The following TBL1X variants were observed in gnomAD, a reference collection of about 807,000 sequenced individuals.
The protein encoded by TBL1X is transducin beta like 1 X-linked.
TBL1X carries 10 observed loss-of-function variants against 50.7 expected under a neutral mutation model. The ratio of observed to expected loss-of-function variants is 0.20; its 90% CI spans 0.12 to 0.33. TBL1X has a LOEUF of 0.33. TBL1X is among the 10% of genes least tolerant of loss of function. The pLI is 1.00. For synonymous variants in TBL1X, 190 were observed against 214.7 expected (o/e 0.88, Z 1.01); for missense variants, 340 against 504.4 (o/e 0.67, Z 3.12).
At chrX:9,518,004 C>T (rs1361414834) in intron 2 of TBL1X, among the ~76,000 whole-genome samples, 3 of 106,122 alleles carry the variant, frequency 2.8e-5, no homozygotes, top group Non-Finnish European at 5.8e-5. Context: ...CCCAGCTATG[C>T]GGGAGGATTG....
At chrX:9,502,589 T>A (rs2082006861) in intron 2 of TBL1X, among the ~76,000 whole-genome samples, 1 of 112,477 alleles carries the variant, frequency 8.9e-6, no homozygotes, top group Non-Finnish European at 1.9e-5. Context: ...GGGTTCACAT[T>A]CATTTCTGTC....
At chrX:9,472,506 G>C (rs947228325) in intron 1 of TBL1X, among the ~76,000 whole-genome samples, 3 of 105,349 alleles carry the variant, frequency 2.8e-5, no homozygotes, top group Non-Finnish European at 5.8e-5. Context: ...TGCCTAGGCT[G>C]GTCTTGAGCA....
chrX:9,468,434 G>GC (rs1389499592), intron 1 of TBL1X, among the ~76,000 whole-genome samples: 1 of 111,965 alleles, frequency 8.9e-6, no homozygotes, highest in Non-Finnish European at 1.9e-5. Flanking sequence ...GGTTGAGCCA[G>GC]CTGGGTGTGG....
intron 2 of TBL1X, among the ~76,000 whole-genome samples, chrX:9,544,953 G>C (rs2082234270): frequency 9.1e-6 from 1 of 109,506 alleles, no homozygotes; most frequent in Non-Finnish European, 1.9e-5. Context: ...GTGAGGCAGT[G>C]GAATAACTTA....
At chrX:9,714,837 A>G (rs1269301085) in intron 16 of TBL1X, 65 bp from the exon 17 acceptor site, 7 of 1,068,214 alleles carry the variant, frequency 6.6e-6, no homozygotes, top group Middle Eastern at 2.5e-4. Context: ...AGGAGCGCAC[A>G]TTCCACACCT....
intron 2 of TBL1X, among the ~76,000 whole-genome samples, chrX:9,520,875 C>T (rs1282080104): frequency 1.8e-5 from 2 of 111,096 alleles, no homozygotes; most frequent in Non-Finnish European, 3.8e-5. Flanking sequence ...GAGGATTGCT[C>T]GAGCCCAGGA....
At chrX:9,511,807 G>A (rs2082056934) in intron 2 of TBL1X, among the ~76,000 whole-genome samples, 1 of 112,266 alleles carries the variant, frequency 8.9e-6, no homozygotes, top group Non-Finnish European at 1.9e-5. Flanking sequence ...CTTTTGAGAT[G>A]AAATAGTCAT....
Position 9,717,302 on chromosome X carries a change from C to T in TBL1X, c.*1056C>T, listed in dbSNP as rs1286545147. On this transcript the variant is annotated 3_prime_UTR_variant, in exon 18 of 18. Transcript: ENST00000645353. ...AACAATTTTAAAATCTTAAAATGGC[C>T]ATCAGACATAGAGAGCTTTGTGTGA... is the stretch of plus-strand genomic sequence containing the variant. 8.9e-6 allele frequency: 1 copy of T among 111,791 alleles called. No individual in the cohort carries two copies. The allele number at this position is 111,791 out of a possible 1,213,427, so 9.2% of individuals were successfully genotyped here.
At chrX:9,676,195 G>A (rs1157063079) in intron 5 of TBL1X, among the ~76,000 whole-genome samples, 2 of 112,388 alleles carry the variant, frequency 1.8e-5, no homozygotes, top group African/African-American at 3.2e-5. Flanking sequence ...CTGTAGGGCT[G>A]GAGGACATGA....
At chrX:9,682,890 T>C (rs1310223490) in intron 5 of TBL1X, among the ~76,000 whole-genome samples, 2 of 111,837 alleles carry the variant, frequency 1.8e-5, no homozygotes, top group East Asian at 5.6e-4. Flanking sequence ...TTGTAAACAG[T>C]GTGAGAGTTG....
chrX:9,565,970 A>G (rs1382966459), intron 2 of TBL1X, among the ~76,000 whole-genome samples: 1 of 112,644 alleles, frequency 8.9e-6, no homozygotes, highest in Non-Finnish European at 1.9e-5. Context: ...AAAGGCATGT[A>G]ATTAATAAAA....
chrX:9,648,366 C>T (rs781709265), intron 3 of TBL1X, among the ~76,000 whole-genome samples: 3 of 112,429 alleles, frequency 2.7e-5, no homozygotes, highest in Non-Finnish European at 3.8e-5. Flanking sequence ...AAGACAAAGG[C>T]GGACTTTTTC....
intron 2 of TBL1X, among the ~76,000 whole-genome samples, chrX:9,516,939 A>G (rs747552000): frequency 8.9e-6 from 1 of 112,005 alleles, no homozygotes; most frequent in Admixed American, 9.5e-5. Flanking sequence ...TAAAAAAAAA[A>G]TCAGGGTTTT....
At chrX:9,570,678 G>GTT (rs5901405) in intron 2 of TBL1X, among the ~76,000 whole-genome samples, 2 of 46,307 alleles carry the variant, frequency 4.3e-5, no homozygotes, top group Non-Finnish European at 7.6e-5. Context: ...TTTTCTTTTT[G>GTT]TTTTTTTTTT....
At chrX:9,679,959 C>T (rs73188234) in intron 5 of TBL1X, among the ~76,000 whole-genome samples, 87 of 111,964 alleles carry the variant, frequency 7.8e-4, no homozygotes, top group Non-Finnish European at 4.9e-4. Context: ...TTATATACAA[C>T]CAAAGTGTAT....
chrX:9,517,918 C>T (rs940146249), intron 2 of TBL1X, among the ~76,000 whole-genome samples: 1 of 110,801 alleles, frequency 9.0e-6, no homozygotes, highest in Non-Finnish European at 1.9e-5. Context: ...CCAGCCTAGG[C>T]AACATAGCAA....
At chrX:9,533,628 G>A (rs2082173112) in intron 2 of TBL1X, among the ~76,000 whole-genome samples, 1 of 111,041 alleles carries the variant, frequency 9.0e-6, no homozygotes, top group African/African-American at 3.3e-5. Flanking sequence ...AAGGCAAAGA[G>A]GGACCTATCG....
At chrX:9,530,920 A>T (rs1218862920) in intron 2 of TBL1X, 1 of 111,801 alleles carries the variant, frequency 8.9e-6, no homozygotes, top group Non-Finnish European at 1.9e-5. Context: ...ACCGAGCATC[A>T]CGTGTGAGGC....
intron 2 of TBL1X, among the ~76,000 whole-genome samples, chrX:9,559,462 A>T (rs2082314959): frequency 9.0e-6 from 1 of 111,284 alleles, no homozygotes. Context: ...CTTCCTGTTG[A>T]AGTACATCAA....
Sources: gnomAD v4.1 joint callset for allele counts (sites outside exome capture counted in the v4.1 genomes callset) on GRCh38, gnomAD v4.1.1 for gene constraint, MANE v1.5 for transcripts, NCBI Gene and HGNC (gene_info 2026-07-23, HGNC 2026-07-21) for gene names.